Variants in EVL observed in about 807,000 individuals in gnomAD.
EVL encodes Enah/Vasp-like, also known as ena/VASP-like protein.
In EVL, 21 loss-of-function variants were observed where a neutral mutation model predicts 59.6. That is an observed-to-expected ratio of 0.35 (90% confidence interval 0.25 to 0.51). The LOEUF (loss-of-function observed/expected upper bound fraction) is 0.51, where lower values mean the gene tolerates loss of function less well. Ranked by LOEUF, EVL falls within the 20% of genes least tolerant of loss-of-function variation. The pLI is 0.97. For missense variants in EVL, 462 were observed against 546.6 expected (o/e 0.85, Z 1.54); for synonymous variants, 198 against 203.5 (o/e 0.97, Z 0.23).
intron 1 of EVL, among the ~76,000 whole-genome samples, chr14:100,077,828 A>G (rs112583849): frequency 0.016 from 2,439 of 152,222 alleles, 69 homozygotes; most frequent in African/African-American, 0.056. Context: ...GCTAGAGTGC[A>G]ATGGCGCAAT....
At chr14:100,039,827 C>T (rs1029389294) in intron 1 of EVL, among the ~76,000 whole-genome samples, 2 of 151,958 alleles carry the variant, frequency 1.3e-5, no homozygotes, top group East Asian at 1.9e-4. Context: ...GCTCTGTTAC[C>T]GAGGTTGGAA....
rs189669291 is a variant in EVL, at chr14:100,109,424, G to T, written c.358+11766G>T. Reference sequence around the variant, plus strand: ...TTGGTGTCCCATTTGTTTGGACCCTGGGTTTGTTTGTCTAGACTGTGAGCT... The same window carrying T: ...TTGGTGTCCCATTTGTTTGGACCCTTGGTTTGTTTGTCTAGACTGTGAGCT... On this transcript the variant is annotated intron_variant, in intron 3 of 13. Transcript: ENST00000392920. This position sits in a 1 kb window ranked among gnomAD's most constrained non-coding sequence, Gnocchi z 4.3. The T allele has an allele frequency of 1.9e-4, 70 of 371,182 alleles. No homozygotes were observed. Among genetic ancestry groups the T allele is most frequent in the African/African-American group, 1.3e-3 (61 of 47,216 alleles). 23.0% of individuals were successfully genotyped at this position (371,182 alleles called of 1,614,324 possible).
At chr14:99,996,071 C>G (rs2060911342) in intron 1 of EVL, among the ~76,000 whole-genome samples, 1 of 152,140 alleles carries the variant, frequency 6.6e-6, no homozygotes, top group South Asian at 2.1e-4. Flanking sequence ...GGTAGCTTCC[C>G]CCCTCCCCCA....
rs145560421 is a variant in EVL, at chr14:99,992,735, A to G, written c.5+20678A>G. 7.0e-4 allele frequency among the ~76,000 whole-genome samples: 106 copies of G among 152,316 alleles called. 1 individual carries two copies. The East Asian group carries it at 0.015, about 22-fold the overall frequency. On this transcript the variant is annotated intron_variant, in intron 1 of 13. Coordinates refer to the EVL transcript ENST00000402714. ...TGCCCTTGTTGAAGATTATTTGACC[A>G]TACATGCAAATGGACATCATTGCCT...
At chr14:100,041,487 A>G (rs570627493) in intron 1 of EVL, among the ~76,000 whole-genome samples, 1 of 152,358 alleles carries the variant, frequency 6.6e-6, no homozygotes, top group Admixed American at 6.5e-5. Context: ...GCCAAGACCT[A>G]GGTCTATGCC....
At chr14:100,078,504 C>G (rs1348851723) in intron 1 of EVL, among the ~76,000 whole-genome samples, 1 of 138,928 alleles carries the variant, frequency 7.2e-6, no homozygotes, top group Non-Finnish European at 1.5e-5. Context: ...GTAACCTTGT[C>G]TGGGCTTATT....
intron 1 of EVL, among the ~76,000 whole-genome samples, chr14:99,976,761 C>T (rs1260479489): frequency 6.6e-6 from 1 of 152,188 alleles, no homozygotes; most frequent in Non-Finnish European, 1.5e-5. Context: ...GTTCTGTTCA[C>T]TTTTCCTCCT....
chr14:100,129,756 A>G, intron 7 of EVL, 72 bp downstream of exon 7: 17 of 1,450,672 alleles, frequency 1.2e-5, no homozygotes, highest in Non-Finnish European at 1.5e-5. Flanking sequence ...AGCGCTGCAC[A>G]GAGAATCCTC....
intron 1 of EVL, chr14:100,019,505 C>A: frequency 1.7e-6 from 1 of 589,040 alleles, no homozygotes; most frequent in Admixed American, 3.6e-5. Context: ...CTGGAGGCTG[C>A]AGGCCCCTGT....
At chr14:100,043,741 T>C (rs138367760) in intron 1 of EVL, among the ~76,000 whole-genome samples, 1 of 151,626 alleles carries the variant, frequency 6.6e-6, no homozygotes, top group African/African-American at 2.4e-5. Flanking sequence ...GCCTCCCAAG[T>C]AGCTGGGACT....
At chr14:100,137,226 G>A (rs1888855150) in intron 9 of EVL, 1 of 322,220 alleles carries the variant, frequency 3.1e-6, no homozygotes, top group African/African-American at 2.1e-5. Context: ...CGAGGGGCCT[G>A]GCCGCCACAC....
At chr14:100,084,666 C>T (rs1195651386) in intron 1 of EVL, 21 bp from the exon 2 acceptor site, 1 of 1,611,816 alleles carries the variant, frequency 6.2e-7, no homozygotes, top group East Asian at 2.2e-5. Context: ...AGGCTGACAC[C>T]AGTTTTTTCT....
intron 1 of EVL, among the ~76,000 whole-genome samples, chr14:100,080,651 C>G (rs993410797): frequency 1.3e-5 from 2 of 152,200 alleles, no homozygotes; most frequent in African/African-American, 2.4e-5. Context: ...CCCAAAATGA[C>G]AGGGGAATTG....
chr14:100,096,723 A>G (rs1022941051), intron 2 of EVL, among the ~76,000 whole-genome samples: 2 of 152,196 alleles, frequency 1.3e-5, no homozygotes, highest in Admixed American at 1.3e-4. Flanking sequence ...TCTCTGAAAG[A>G]GCAGAAGTTT....
chr14:99,980,045 G>A (rs1395275161), intron 1 of EVL, among the ~76,000 whole-genome samples: 1 of 152,136 alleles, frequency 6.6e-6, no homozygotes, highest in African/African-American at 2.4e-5. Context: ...TAAGGTATAT[G>A]GGAAGATATA....
chr14:100,125,131 C>CACAG (rs1389067512), intron 4 of EVL, among the ~76,000 whole-genome samples: 1 of 142,760 alleles, frequency 7.0e-6, no homozygotes, highest in African/African-American at 2.8e-5. Context: ...ACCACACACA[C>CACAG]ACACACACAC....
intron 1 of EVL, among the ~76,000 whole-genome samples, chr14:100,082,457 C>T (rs2062333221): frequency 6.6e-6 from 1 of 152,172 alleles, no homozygotes; most frequent in Admixed American, 6.5e-5. Flanking sequence ...TTGTCACAGG[C>T]TCTGCAGAGC....
At chr14:100,112,347 C>T (rs1887053228) in intron 3 of EVL, among the ~76,000 whole-genome samples, 1 of 152,218 alleles carries the variant, frequency 6.6e-6, no homozygotes, top group Admixed American at 6.5e-5. Context: ...CACTGTCTGA[C>T]TGGCTTGCTC....
At position 100,128,058 on chromosome 14, in the gene EVL, C is replaced by T. The variant is rs1041862284; in HGVS notation, c.488-461C>T. ...TTGCGCCCTGACCCATGCCCCCAGT[C>T]GGCCCTGGGACCCACAGGACCTGCC... is the stretch of plus-strand genomic sequence containing the variant. On this transcript the variant is annotated intron_variant, in intron 5 of 13. Transcript: ENST00000392920. Among the ~76,000 whole-genome samples the T allele has an allele frequency of 3.9e-4, 60 of 152,186 alleles. 1 individual carries two copies. The highest frequency in any genetic ancestry group is 3.7e-3 in the Admixed American group (56 of 15,288).
Sources: allele counts gnomAD v4.1 joint callset (sites outside exome capture counted in the v4.1 genomes callset), GRCh38; gene constraint gnomAD v4.1.1; non-coding constraint Gnocchi (gnomAD v3.1); transcripts MANE v1.5; gene names NCBI Gene and HGNC (gene_info 2026-07-23, HGNC 2026-07-21).